Variants in PRKCE observed in about 807,000 individuals in gnomAD.
PRKCE encodes the protein protein kinase C epsilon type.
In PRKCE, 16 loss-of-function variants were observed where a neutral mutation model predicts 85.4. The ratio of observed to expected loss-of-function variants is 0.19; its 90% CI spans 0.13 to 0.28. The LOEUF is 0.28. Among genes scored for constraint, PRKCE ranks in the 10% least tolerant of loss-of-function variants. The pLI, the probability that PRKCE is intolerant of heterozygous loss-of-function variation, is 1.00. For missense variants in PRKCE, 573 were observed against 975.2 expected (o/e 0.59, Z 5.49); for synonymous variants, 388 against 371.5 (o/e 1.04, Z -0.51).
intron 1 of PRKCE, among the ~76,000 whole-genome samples, chr2:45,776,670 A>T (rs573710794): frequency 2.0e-5 from 3 of 152,296 alleles, no homozygotes; most frequent in African/African-American, 7.2e-5. Flanking sequence ...AGGAGGCTTT[A>T]ATGATGCTAC....
chr2:45,996,626 C>T (rs1704241128), intron 6 of PRKCE, among the ~76,000 whole-genome samples: 1 of 150,338 alleles, frequency 6.7e-6, no homozygotes, highest in South Asian at 2.1e-4. Context: ...CTATTGATAA[C>T]AATTGATTAC....
At position 45,979,028 on chromosome 2, in the gene PRKCE, A is replaced by G. The variant is rs760643204; in HGVS notation, c.607+18A>G. 3.8e-6 allele frequency: 6 copies of G among 1,598,328 alleles called. No homozygotes were observed. The highest frequency in any genetic ancestry group is 5.1e-6 in the Non-Finnish European group (6 of 1,178,766). Reference sequence around the variant, plus strand: ...GTGTCAAGGTAAGAGGCATTTATGAATTAAATCTTCAGAGGCCCGTGGTTA... The same window carrying G: ...GTGTCAAGGTAAGAGGCATTTATGAGTTAAATCTTCAGAGGCCCGTGGTTA... On this transcript the variant is annotated intron_variant, in intron 4 of 14. Transcript: ENST00000306156.
intron 10 of PRKCE, among the ~76,000 whole-genome samples, chr2:46,084,180 G>A (rs1263111065): frequency 6.6e-6 from 1 of 152,250 alleles, no homozygotes; most frequent in East Asian, 1.9e-4. Flanking sequence ...AAAGTAAATG[G>A]AAGAAAAGCT....
rs188738416 is a variant in PRKCE, at chr2:46,071,062, A to T, written c.1438-15146A>T. ...GGTCTCATCACTGTTCTCTTAAGTA[A>T]ACCAAATGCGTAGAGATGCCCATGT... is the stretch of plus-strand genomic sequence containing the variant. On this transcript the variant is annotated intron_variant, in intron 10 of 14. Coordinates refer to ENST00000306156, the MANE Select transcript of PRKCE (RefSeq NM_005400.3). 4.7e-4 allele frequency among the ~76,000 whole-genome samples: 72 copies of T among 152,322 alleles called. 1 individual carries two copies. Among genetic ancestry groups the T allele is most frequent in the Non-Finnish European group, 7.4e-5 (5 of 68,024 alleles).
chr2:45,732,693 C>T (rs760749502), intron 1 of PRKCE, among the ~76,000 whole-genome samples: 6 of 152,138 alleles, frequency 3.9e-5, no homozygotes, highest in Non-Finnish European at 5.9e-5. Context: ...GTTGCCTGCA[C>T]CTTCCTCAGC....
chr2:45,976,351 T>C, intron 2 of PRKCE, 78 bp from the exon 3 acceptor site: 5 of 1,491,558 alleles, frequency 3.4e-6, no homozygotes, highest in Non-Finnish European at 4.5e-6. Flanking sequence ...AGGGATGGAG[T>C]AGCTCTCCAG....
Position 45,673,877 on chromosome 2 carries a change from C to T in PRKCE, c.348+21429C>T, listed in dbSNP as rs369640153. ...CAATATCATGGTTCCAGGGATCGTT[C>T]CTATGGAATTACATTGGCTGAGGAC... On this transcript the variant is annotated intron_variant, in intron 1 of 14. Transcript: ENST00000306156. Among the ~76,000 whole-genome samples the T allele has an allele frequency of 4.6e-5, 7 of 152,238 alleles. No individual in the cohort carries two copies. The East Asian group carries it at 1.2e-3, about 25-fold the overall frequency.
intron 2 of PRKCE, among the ~76,000 whole-genome samples, chr2:45,897,167 T>G (rs1325360181): frequency 1.3e-5 from 2 of 152,222 alleles, no homozygotes; most frequent in Admixed American, 1.3e-4. Flanking sequence ...ACACACATAC[T>G]CAAATTATCT....
At position 45,794,849 on chromosome 2, in the gene PRKCE, C is replaced by G. The variant is rs925954221; in HGVS notation, c.349-48151C>G. ...GGGAGGGACAATTATTGCCCTACCC[C>G]CCCCCCCATCCACCATTTCTTTTTT... On this transcript the variant is annotated intron_variant, in intron 1 of 14. Coordinates refer to ENST00000306156, the MANE Select transcript of PRKCE (RefSeq NM_005400.3). 7.8e-4 allele frequency among the ~76,000 whole-genome samples: 118 copies of G among 151,082 alleles called. 1 individual carries two copies. The highest frequency in any genetic ancestry group is 2.4e-3 in the African/African-American group (98 of 41,146).
intron 14 of PRKCE, among the ~76,000 whole-genome samples, chr2:46,162,953 G>A (rs1452560080): frequency 6.6e-6 from 1 of 152,212 alleles, no homozygotes; most frequent in Non-Finnish European, 1.5e-5. Flanking sequence ...AGAAAAAGCA[G>A]AAATAAATAA....
chr2:45,979,599 T>G (rs564266319), intron 4 of PRKCE, among the ~76,000 whole-genome samples: 32 of 152,200 alleles, frequency 2.1e-4, no homozygotes, highest in Non-Finnish European at 3.7e-4. Flanking sequence ...GGCATGGTCA[T>G]GCGGTGGTTT....
chr2:45,836,545 C>T (rs927062783), intron 1 of PRKCE, among the ~76,000 whole-genome samples: 2 of 152,196 alleles, frequency 1.3e-5, no homozygotes, highest in African/African-American at 4.8e-5. Flanking sequence ...CCTGAATGTC[C>T]CCTGCTCTGT....
At chr2:46,006,807 C>T (rs1199471232) in intron 8 of PRKCE, among the ~76,000 whole-genome samples, 1 of 152,214 alleles carries the variant, frequency 6.6e-6, no homozygotes, top group Non-Finnish European at 1.5e-5. Flanking sequence ...TGAGAAATTC[C>T]CGCCCCATTG....
intron 2 of PRKCE, among the ~76,000 whole-genome samples, chr2:45,940,414 A>G (rs1699789358): frequency 6.6e-6 from 1 of 152,226 alleles, no homozygotes; most frequent in Non-Finnish European, 1.5e-5. Flanking sequence ...TGATGTATGG[A>G]TGGCCAGAGT....
intron 1 of PRKCE, among the ~76,000 whole-genome samples, chr2:45,745,405 C>T (rs1199089120): frequency 6.6e-6 from 1 of 152,120 alleles, no homozygotes; most frequent in South Asian, 2.1e-4. Context: ...TGTTGTGCTT[C>T]GCTTTCTCAT....
chr2:46,111,446 T>C lies in PRKCE; in HGVS notation c.1592+25084T>C, dbSNP rs577258350. 3.3e-5 allele frequency among the ~76,000 whole-genome samples: 5 copies of C among 152,320 alleles called. No homozygotes were observed. The East Asian group carries it at 9.6e-4, about 29-fold the overall frequency. On this transcript the variant is annotated intron_variant, in intron 11 of 14. Transcript: ENST00000306156. ...CACCACAATCAACTTTAGAAAACTT[T>C]CGTCACACCAAAAAGGAACTCCGTT...
At chr2:45,964,386 C>T (rs1043649323) in intron 2 of PRKCE, among the ~76,000 whole-genome samples, 2 of 152,230 alleles carry the variant, frequency 1.3e-5, no homozygotes, top group African/African-American at 2.4e-5. Context: ...TCCTGTGATT[C>T]ATCTCAGATC....
chr2:45,787,268 T>A (rs763969399), intron 1 of PRKCE, among the ~76,000 whole-genome samples: 11 of 152,048 alleles, frequency 7.2e-5, no homozygotes, highest in Non-Finnish European at 1.6e-4. Flanking sequence ...AACTCAATGA[T>A]CACACCTAGA....
At chr2:45,801,921 G>A (rs1324740222) in intron 1 of PRKCE, among the ~76,000 whole-genome samples, 2 of 151,956 alleles carry the variant, frequency 1.3e-5, no homozygotes, top group East Asian at 3.9e-4. Flanking sequence ...TACAAAATGG[G>A]GATAATAATA....
Sources: allele counts gnomAD v4.1 joint callset (sites outside exome capture counted in the v4.1 genomes callset), GRCh38; gene constraint gnomAD v4.1.1; transcripts MANE v1.5; gene names NCBI Gene and HGNC (gene_info 2026-07-23, HGNC 2026-07-21).